The following CD163L1 variants were observed in gnomAD, a reference collection of about 807,000 sequenced individuals.
CD163L1 encodes the protein scavenger receptor cysteine-rich type 1 protein M160.
Under a neutral mutation model 165.4 loss-of-function variants are expected in CD163L1, and 124 were observed. The observed-to-expected ratio is 0.75, with a 90% confidence interval of 0.65 to 0.87. The LOEUF is 0.87. CD163L1 is among the 40% of genes least tolerant of loss of function. The probability of loss-of-function intolerance (pLI) is 0.00; values close to 1 mark genes in which losing one functional copy is unlikely to be tolerated. For synonymous variants in CD163L1, 585 were observed against 662.2 expected, an observed-to-expected ratio of 0.88 and a Z score of 1.79; for missense variants, 1,525 against 1,799.9, an observed-to-expected ratio of 0.85 and a Z score of 2.76.
chr12:7,343,010 G>A (rs747132018), downstream of CD163L1, among the ~76,000 whole-genome samples: 20 of 152,002 alleles, frequency 1.3e-4, no homozygotes, highest in Middle Eastern at 0.017. Flanking sequence ...TCAACTACAC[G>A]CAATATCTTT....
downstream of CD163L1, among the ~76,000 whole-genome samples, chr12:7,353,842 G>T (rs1316493500): frequency 1.3e-5 from 2 of 151,794 alleles, no homozygotes; most frequent in African/African-American, 4.8e-5. Context: ...TTTAGTGTAG[G>T]TATCTGTAAT....
At chr12:7,393,029 T>A (rs1179576282) in intron 8 of CD163L1, among the ~76,000 whole-genome samples, 1 of 152,034 alleles carries the variant, frequency 6.6e-6, no homozygotes, top group Non-Finnish European at 1.5e-5. Context: ...CCGAAACTAA[T>A]CTAATCAACA....
intron 13 of CD163L1, 83 bp from the exon 14 acceptor site, chr12:7,373,723 G>T (rs912296937): frequency 5.1e-6 from 6 of 1,172,414 alleles, no homozygotes; most frequent in Non-Finnish European, 6.0e-6. Flanking sequence ...TTTTCCCATG[G>T]AAATAATACA....
chr12:7,374,694 G>C lies in CD163L1; in HGVS notation c.3157C>G (p.His1053Asp), dbSNP rs752984063. The C allele has an allele frequency of 1.9e-6, 3 of 1,614,198 alleles. No homozygotes were observed. The East Asian group carries it at 6.7e-5, about 36-fold the overall frequency. ...CAGATGGTGCCCCAGAAGCCGTCGT[G>C]ATAGATCTCTACTCTCCCGGCACAG... ...SRCAGRVEIY[H>D]DGFWGTICDD... The change falls in exon 13 of 20, where the codon CAC (histidine) becomes GAC (aspartate). Residue 1053 changes from histidine (H) to aspartate (D), a missense_variant. Transcript: ENST00000313599. The surrounding 1 kb of genome is among the most constrained non-coding windows in gnomAD (Gnocchi z 5.4).
chr12:7,419,931 T>C (rs1437529717), intron 4 of CD163L1, among the ~76,000 whole-genome samples: 1 of 152,004 alleles, frequency 6.6e-6, no homozygotes, highest in Non-Finnish European at 1.5e-5. Context: ...AGAACAAATC[T>C]GGAGGTATCA....
intron 4 of CD163L1, among the ~76,000 whole-genome samples, chr12:7,422,885 CT>C (rs1948466178): frequency 6.6e-6 from 1 of 151,534 alleles, no homozygotes; most frequent in Admixed American, 6.6e-5. Context: ...TAGTGGGAGA[CT>C]TTAACACCCC....
chr12:7,380,328 T>G (rs749020588), intron 8 of CD163L1, among the ~76,000 whole-genome samples: 2 of 147,558 alleles, frequency 1.4e-5, no homozygotes, highest in African/African-American at 5.3e-5. Flanking sequence ...CATATATGTA[T>G]GTATACACGT....
rs769341877 is a variant in CD163L1 at position 7,440,164 on chromosome 12, C to G, written c.124+990G>C. Among the ~76,000 whole-genome samples, 176 of 152,378 alleles carry G rather than the reference C, an allele frequency of 1.2e-3. 1 individual carries two copies. Among genetic ancestry groups the G allele is most frequent in the Admixed American group, 2.3e-3 (35 of 15,312 alleles). ...TCCCGCTCAGGCTCCGCCGCCTGCTCTTGGCTCCGGGTAGCCGGCCAGGGC... is the reference window on the plus strand; with the variant it reads ...TCCCGCTCAGGCTCCGCCGCCTGCTGTTGGCTCCGGGTAGCCGGCCAGGGC... On this transcript the variant is annotated intron_variant, in intron 2 of 19. Transcript: ENST00000313599.
chr12:7,356,964 C>T (rs566516624), intron 19 of CD163L1, among the ~76,000 whole-genome samples: 17 of 152,134 alleles, frequency 1.1e-4, no homozygotes, highest in Non-Finnish European at 2.2e-4. Context: ...CAGGCACTGG[C>T]GATTAAAGCA....
chr12:7,328,723 G>A, the CD163L1 span: 1 of 157,604 alleles, frequency 6.3e-6, no homozygotes, highest in Non-Finnish European at 1.4e-5. Context: ...TATATCCTAA[G>A]AGAAATGTTC....
At chr12:7,356,048 A>G (rs1429685736) in intron 19 of CD163L1, among the ~76,000 whole-genome samples, 1 of 152,174 alleles carries the variant, frequency 6.6e-6, no homozygotes, top group Non-Finnish European at 1.5e-5. Context: ...AGTACTTTAA[A>G]AACAACACAT....
At chr12:7,392,637 C>G (rs1015964126) in intron 8 of CD163L1, among the ~76,000 whole-genome samples, 2 of 152,104 alleles carry the variant, frequency 1.3e-5, no homozygotes, top group Admixed American at 6.5e-5. Flanking sequence ...AATCCAGAAG[C>G]TGGTTTTTCA....
At chr12:7,393,244 C>T (rs1947697009) in intron 8 of CD163L1, among the ~76,000 whole-genome samples, 1 of 152,134 alleles carries the variant, frequency 6.6e-6, no homozygotes, top group South Asian at 2.1e-4. Flanking sequence ...TGGCTTCATC[C>T]CTGGGATGCC....
intron 8 of CD163L1, among the ~76,000 whole-genome samples, chr12:7,387,600 C>T (rs779537324): frequency 6.6e-6 from 1 of 152,168 alleles, no homozygotes; most frequent in Non-Finnish European, 1.5e-5. Flanking sequence ...TTAAAAAGAG[C>T]CTGGTACCTC....
At chr12:7,387,237 G>A (rs993344866) in intron 8 of CD163L1, among the ~76,000 whole-genome samples, 1 of 151,928 alleles carries the variant, frequency 6.6e-6, no homozygotes, top group African/African-American at 2.4e-5. Flanking sequence ...CCACAAGAAA[G>A]AATAAAATAA....
At position 7,368,529 on chromosome 12, in the gene CD163L1, C is replaced by CTTTT. The variant is rs56678924; in HGVS notation, c.4073-336_4073-333dup. On this transcript the variant is annotated intron_variant, in intron 16 of 19. Coordinates refer to ENST00000313599, the MANE Select transcript of CD163L1 (RefSeq NM_174941.6). The surrounding 1 kb of genome is among the most constrained non-coding windows in gnomAD (Gnocchi z 4.3). ...AGGGCTTGAGCTGAGCTGTTTCTTTCTTTTTTTTTTTTTTTTGAGATGGAG... is the reference window on the plus strand; with the variant it reads ...AGGGCTTGAGCTGAGCTGTTTCTTTCTTTTTTTTTTTTTTTTTTTTGAGATGGAG... Among the ~76,000 whole-genome samples the CTTTT allele has an allele frequency of 2.2e-5, 3 of 137,256 alleles. No homozygotes were observed. The highest frequency in any genetic ancestry group is 7.3e-5 in the Admixed American group (1 of 13,640). The allele number at this position is 137,256 out of a possible 152,430, so 90.0% of individuals were successfully genotyped here. A position where few individuals can be genotyped will look rare whatever the true frequency, so the allele number is the denominator to read the frequency against.
At chr12:7,370,831 C>A (rs1004220619) in intron 14 of CD163L1, among the ~76,000 whole-genome samples, 1 of 152,142 alleles carries the variant, frequency 6.6e-6, no homozygotes, top group Non-Finnish European at 1.5e-5. Context: ...ATACAGAGTG[C>A]ATCATTGAAT....
chr12:7,412,369 T>A (rs1188094829), intron 4 of CD163L1, among the ~76,000 whole-genome samples: 1 of 152,182 alleles, frequency 6.6e-6, no homozygotes, highest in African/African-American at 2.4e-5. Context: ...TATGCTGTAT[T>A]ACGCAGGACA....
chr12:7,396,924 C>G (rs7488523), intron 7 of CD163L1, among the ~76,000 whole-genome samples: 1 of 151,968 alleles, frequency 6.6e-6, no homozygotes, highest in African/African-American at 2.4e-5. Context: ...CCCTGAATAA[C>G]GCAGATTTTG....
Sources: allele counts gnomAD v4.1 joint callset (sites outside exome capture counted in the v4.1 genomes callset), GRCh38; gene constraint gnomAD v4.1.1; non-coding constraint Gnocchi (gnomAD v3.1); transcripts MANE v1.5; gene names NCBI Gene and HGNC (gene_info 2026-07-23, HGNC 2026-07-21).